The following TFEB variants were observed in gnomAD, a reference collection of about 807,000 sequenced individuals.
TFEB encodes transcription factor EB.
TFEB carries 12 observed loss-of-function variants against 48.0 expected under a neutral mutation model. That is an observed-to-expected ratio of 0.25 (90% CI 0.16 to 0.40). The LOEUF (loss-of-function observed/expected upper bound fraction) is 0.40, where lower values mean the gene tolerates loss of function less well. Ranked by LOEUF, TFEB falls within the 10% of genes least tolerant of loss-of-function variation. The pLI, the probability that TFEB is intolerant of heterozygous loss-of-function variation, is 1.00. For synonymous variants in TFEB, 244 were observed against 261.4 expected (o/e 0.93, Z 0.64); for missense variants, 509 against 640.3 (o/e 0.79, Z 2.21).
rs994308003 is a variant in TFEB at position 41,720,979 on chromosome 6, C to T, written c.-23+14371G>A. ...GCCTGACCCTGCAGCCTTCCACTGA[C>T]GGCAGCCTCCCACCTTTCCAGGTAG... On this transcript the variant is annotated intron_variant, in intron 1 of 8. Transcript: ENST00000373033. The surrounding 1 kb of genome is among the most constrained non-coding windows in gnomAD (Gnocchi z 4.1). Among the ~76,000 whole-genome samples, 3 of 152,146 alleles carry T rather than the reference C, an allele frequency of 2.0e-5. No individual in the cohort carries two copies. The highest frequency in any genetic ancestry group is 2.9e-5 in the Non-Finnish European group (2 of 68,032).
At chr6:41,692,181 C>G (rs1041305199) in intron 1 of TFEB, among the ~76,000 whole-genome samples, 2 of 152,188 alleles carry the variant, frequency 1.3e-5, no homozygotes, top group African/African-American at 4.8e-5. Context: ...TTTTGCCTAG[C>G]TATTTCATTC....
Position 41,723,928 on chromosome 6 carries a change from C to T in TFEB, c.-23+11422G>A, listed in dbSNP as rs11963191. On this transcript the variant is annotated intron_variant, in intron 1 of 8. Coordinates refer to ENST00000373033, the MANE Select transcript of TFEB (RefSeq NM_001271944.2). The surrounding 1 kb of genome is among the most constrained non-coding windows in gnomAD (Gnocchi z 6.0). Reference sequence around the variant, plus strand: ...GTGGGCCTAACCCTAACCCCAGCCCCGCTTCCTAGAGACATGTGTCCTTCT... The same window carrying T: ...GTGGGCCTAACCCTAACCCCAGCCCTGCTTCCTAGAGACATGTGTCCTTCT... 1.4e-5 allele frequency: 7 copies of T among 513,078 alleles called. No individual in the cohort carries two copies. The highest frequency in any genetic ancestry group is 5.9e-5 in the Admixed American group (3 of 50,920). 31.8% of individuals were successfully genotyped at this position (513,078 alleles called of 1,614,324 possible).
rs1769326514 is a variant in TFEB, at chr6:41,691,700, C to G, written c.-22-465G>C. On this transcript the variant is annotated intron_variant, in intron 1 of 8. Coordinates refer to ENST00000373033, the MANE Select transcript of TFEB (RefSeq NM_001271944.2). The surrounding 1 kb of genome is among the most constrained non-coding windows in gnomAD (Gnocchi z 5.2). ...CTACTGGCAACTCAGTAGAGCAACT[C>G]ATTTAACTCCTGTTAAATCCTAAGT... is the stretch of plus-strand genomic sequence containing the variant. Among the ~76,000 whole-genome samples the G allele has an allele frequency of 6.6e-6, 1 of 152,180 alleles. No individual in the cohort carries two copies. Among genetic ancestry groups the G allele is most frequent in the Non-Finnish European group, 1.5e-5 (1 of 68,032 alleles).
chr6:41,686,795 C>T (rs774050110), intron 7 of TFEB: 20 of 446,816 alleles, frequency 4.5e-5, no homozygotes, highest in South Asian at 7.2e-5. Flanking sequence ...GGATTATAGG[C>T]GTGAGCCCGG....
intron 1 of TFEB, among the ~76,000 whole-genome samples, chr6:41,731,718 C>T (rs1771458291): frequency 6.6e-6 from 1 of 152,242 alleles, no homozygotes; most frequent in African/African-American, 2.4e-5. Context: ...CCAATGATCC[C>T]CACAGCCTCT....
In TFEB at chr6:41,724,051, C is replaced by T; in HGVS notation, c.-23+11299G>A. ...GGGCCTCCAGACACCCAGGTCGAGG[C>T]CGTACTACAGCCCACCTTGAAATGG... On this transcript the variant is annotated intron_variant, in intron 1 of 8. Transcript: ENST00000373033. This position sits in a 1 kb window ranked among gnomAD's most constrained non-coding sequence, Gnocchi z 4.4. 1 of 416,518 alleles carries T rather than the reference C, an allele frequency of 2.4e-6. No individual in the cohort carries two copies. Among genetic ancestry groups the T allele is most frequent in the South Asian group, 1.7e-5 (1 of 58,514 alleles). The allele number at this position is 416,518 out of a possible 1,614,324, so 25.8% of individuals were successfully genotyped here. A position where few individuals can be genotyped will look rare whatever the true frequency, so the allele number is the denominator to read the frequency against.
At position 41,720,154 on chromosome 6, in the gene TFEB, T is replaced by C. The variant is rs973116680; in HGVS notation, c.-23+15196A>G. Among the ~76,000 whole-genome samples, 2 of 151,796 alleles carry C rather than the reference T, an allele frequency of 1.3e-5. No homozygotes were observed. Among genetic ancestry groups the C allele is most frequent in the Non-Finnish European group, 2.9e-5 (2 of 67,880 alleles). The stretch of plus-strand genomic sequence containing the variant: ...AAAACTGGCCCCTGCCAATCAGTCC[T>C]AGGTTACTGCCTCTCCACCTGCCAC... On this transcript the variant is annotated intron_variant, in intron 1 of 8. Coordinates refer to ENST00000373033, the MANE Select transcript of TFEB (RefSeq NM_001271944.2). The surrounding 1 kb of genome is among the most constrained non-coding windows in gnomAD (Gnocchi z 4.1).
At chr6:41,694,409 A>G (rs565065282) in intron 1 of TFEB, among the ~76,000 whole-genome samples, 1 of 151,562 alleles carries the variant, frequency 6.6e-6, no homozygotes, top group East Asian at 1.9e-4. Context: ...AGGCTCCCCA[A>G]CCCCACCGCT....
At position 41,699,616 on chromosome 6, in the gene TFEB, T is replaced by A. The variant is rs184362347; in HGVS notation, c.-22-8381A>T. 7.2e-5 allele frequency among the ~76,000 whole-genome samples: 11 copies of A among 152,338 alleles called. No homozygotes were observed. The East Asian group carries it at 1.5e-3, about 21-fold the overall frequency. ...GGTGAGCAATAACAATGTCCACTCCTTTGGGTTCTAAGGGATAAGTAGTCG... is the reference window on the plus strand; with the variant it reads ...GGTGAGCAATAACAATGTCCACTCCATTGGGTTCTAAGGGATAAGTAGTCG... On this transcript the variant is annotated intron_variant, in intron 1 of 8. Transcript: ENST00000373033.
intron 1 of TFEB, among the ~76,000 whole-genome samples, chr6:41,704,732 G>A (rs762528917): frequency 1.3e-4 from 20 of 152,204 alleles, no homozygotes; most frequent in African/African-American, 3.9e-4. Flanking sequence ...AATTGGTGGC[G>A]GGTGGGAGAA....
At chr6:41,732,194 C>T (rs1359654330) in intron 1 of TFEB, among the ~76,000 whole-genome samples, 1 of 152,148 alleles carries the variant, frequency 6.6e-6, no homozygotes, top group Admixed American at 6.5e-5. Flanking sequence ...AGAAGGTCCC[C>T]AGACCACCAC....
Position 41,723,381 on chromosome 6 carries a change from TA to T in TFEB, c.-23+11968del. 2.2e-6 allele frequency: 2 copies of T among 926,732 alleles called. No individual in the cohort carries two copies. The highest frequency in any genetic ancestry group is 3.0e-6 in the Non-Finnish European group (2 of 660,320). 57.4% of individuals were successfully genotyped at this position (926,732 alleles called of 1,614,324 possible). A position where few individuals can be genotyped will look rare whatever the true frequency, so the allele number is the denominator to read the frequency against. ...TACACTCACACAGATGCACACAGGC[TA>T]ACACACATGGACACACATTCACACA... On this transcript the variant is annotated intron_variant, in intron 1 of 8. Coordinates refer to ENST00000373033, the MANE Select transcript of TFEB (RefSeq NM_001271944.2). This position sits in a 1 kb window ranked among gnomAD's most constrained non-coding sequence, Gnocchi z 6.0.
rs114854938 is a variant in TFEB, at chr6:41,700,880, G to C, written c.-22-9645C>G. Among the ~76,000 whole-genome samples, 523 of 152,324 alleles carry C rather than the reference G, an allele frequency of 3.4e-3. 4 individuals are homozygous for C. The highest frequency in any genetic ancestry group is 0.012 in the African/African-American group (504 of 41,576). On this transcript the variant is annotated intron_variant, in intron 1 of 8. Transcript: ENST00000373033. ...GTCAGACTGTTGGCCCGGGACAACA[G>C]GGGGAGCAGCTTCAAAGGCCATTGC...
chr6:41,706,887 TTCCTG>T (rs1324977728), intron 1 of TFEB, among the ~76,000 whole-genome samples: 1 of 152,064 alleles, frequency 6.6e-6, no homozygotes, highest in East Asian at 1.9e-4. Context: ...TCCAGCCCTT[TTCCTG>T]TCCTTAAACA....
Position 41,684,386 on chromosome 6 carries a change from T to C in TFEB, c.*213A>G, listed in dbSNP as rs1768874629. On this transcript the variant is annotated 3_prime_UTR_variant, in exon 9 of 9. Transcript: ENST00000373033. The stretch of plus-strand genomic sequence containing the variant: ...AGAGGGGCTGAAGGCCTCTTCCCAC[T>C]GCGCCAGTCAAGAGGGCTGCCCTGG... The C allele has an allele frequency of 6.3e-6, 3 of 477,390 alleles. No homozygotes were observed. The highest frequency in any genetic ancestry group is 1.1e-4 in the South Asian group (2 of 18,388). 29.6% of individuals were successfully genotyped at this position (477,390 alleles called of 1,614,324 possible). A position where few individuals can be genotyped will look rare whatever the true frequency, so the allele number is the denominator to read the frequency against.
chr6:41,704,231 C>T (rs1170862210), intron 1 of TFEB, among the ~76,000 whole-genome samples: 1 of 152,204 alleles, frequency 6.6e-6, no homozygotes, highest in Non-Finnish European at 1.5e-5. Context: ...GTCCTGAGTC[C>T]GCCCTCTGGA....
At chr6:41,686,499 C>A (rs1769011864) in intron 7 of TFEB, 3 of 321,730 alleles carry the variant, frequency 9.3e-6, no homozygotes, top group Non-Finnish European at 1.7e-5. Context: ...TCCAGCCCAG[C>A]CTACCTTTCT....
chr6:41,713,953 G>A (rs532169105), intron 1 of TFEB, among the ~76,000 whole-genome samples: 57 of 152,326 alleles, frequency 3.7e-4, no homozygotes, highest in African/African-American at 8.9e-4. Context: ...GAACCCCCCA[G>A]CCTGAGCTAG....
rs754744035 is a variant in TFEB at position 41,723,883 on chromosome 6, C to T, written c.-23+11467G>A. The stretch of plus-strand genomic sequence containing the variant: ...GAGCAGCAAGAATTTCGCCAGAGTC[C>T]CAATCCCACCAGGTCCAGGGTGGGC... On this transcript the variant is annotated intron_variant, in intron 1 of 8. Coordinates refer to ENST00000373033, the MANE Select transcript of TFEB (RefSeq NM_001271944.2). This position sits in a 1 kb window ranked among gnomAD's most constrained non-coding sequence, Gnocchi z 6.0. 15 of 506,618 alleles carry T rather than the reference C, an allele frequency of 3.0e-5. No homozygotes were observed. In the Middle Eastern group the frequency reaches 2.9e-3, roughly 96 times the overall value. The allele number at this position is 506,618 out of a possible 1,614,324, so 31.4% of individuals were successfully genotyped here. A position where few individuals can be genotyped will look rare whatever the true frequency, so the allele number is the denominator to read the frequency against.
Sources: gnomAD v4.1 joint callset for allele counts (sites outside exome capture counted in the v4.1 genomes callset) on GRCh38, gnomAD v4.1.1 for gene constraint, Gnocchi (gnomAD v3.1) non-coding constraint, MANE v1.5 for transcripts, NCBI Gene and HGNC (gene_info 2026-07-23, HGNC 2026-07-21) for gene names.